SYNPO2: variants seen among roughly 807,000 people sequenced by gnomAD.
SYNPO2 encodes the protein synaptopodin 2.
Under a neutral mutation model 85.0 loss-of-function variants are expected in SYNPO2, and 56 were observed. The observed-to-expected ratio is 0.66, with a 90% CI of 0.53 to 0.82. The LOEUF (loss-of-function observed/expected upper bound fraction) is 0.82, where lower values mean the gene tolerates loss of function less well. Ranked by LOEUF, SYNPO2 falls within the 40% of genes least tolerant of loss-of-function variation. The probability of loss-of-function intolerance (pLI) is 0.00; values close to 1 mark genes in which losing one functional copy is unlikely to be tolerated. For missense variants in SYNPO2, 1,575 were observed against 1,534.2 expected, an observed-to-expected ratio of 1.03 and a Z score of -0.44; for synonymous variants, 602 against 591.1, an observed-to-expected ratio of 1.02 and a Z score of -0.27.
chr4:118,918,845 C>T (rs1050865946), intron 1 of SYNPO2, among the ~76,000 whole-genome samples: 1 of 152,230 alleles, frequency 6.6e-6, no homozygotes, highest in East Asian at 1.9e-4. Context: ...TAATTTAATT[C>T]TTCATCAAGT....
At chr4:119,038,752 C>G (rs1738615690) in intron 4 of SYNPO2, among the ~76,000 whole-genome samples, 2 of 152,190 alleles carry the variant, frequency 1.3e-5, no homozygotes, top group Non-Finnish European at 2.9e-5. Context: ...GTCACGGTGC[C>G]AATCCCAGTC....
intron 1 of SYNPO2, among the ~76,000 whole-genome samples, chr4:118,963,592 G>A (rs1994629): frequency 0.4 from 61,044 of 151,984 alleles, 12,378 homozygotes; most frequent in South Asian, 0.52. Flanking sequence ...GAGTCTACAG[G>A]TGTGTGCCAC....
At chr4:119,050,759 T>C (rs1739013526) in intron 4 of SYNPO2, among the ~76,000 whole-genome samples, 1 of 152,202 alleles carries the variant, frequency 6.6e-6, no homozygotes, top group African/African-American at 2.4e-5. Flanking sequence ...AAGATTGGCG[T>C]GTGCTCTCGT....
intron 1 of SYNPO2, among the ~76,000 whole-genome samples, chr4:118,931,599 C>T (rs1414574384): frequency 6.6e-6 from 1 of 152,164 alleles, no homozygotes; most frequent in Non-Finnish European, 1.5e-5. Context: ...CTATAAAGAA[C>T]TTATCTCTGC....
At chr4:118,874,103 G>C (rs1328199353) in intron 1 of SYNPO2, among the ~76,000 whole-genome samples, 1 of 152,184 alleles carries the variant, frequency 6.6e-6, no homozygotes, top group East Asian at 1.9e-4. Context: ...GTACCATGCT[G>C]TTTTGGCTAC....
chr4:119,034,181 C>T, intron 4 of SYNPO2: 1 of 985,320 alleles, frequency 1.0e-6, no homozygotes, highest in Non-Finnish European at 1.2e-6. Flanking sequence ...AATAGAACAA[C>T]CAAAAAAGGC....
intron 4 of SYNPO2, 28 bp downstream of exon 4, chr4:119,032,055 T>A (rs769963930): frequency 6.2e-7 from 1 of 1,610,768 alleles, no homozygotes. Flanking sequence ...TGTGGAAGAG[T>A]AATCTTGTAG....
intron 1 of SYNPO2, among the ~76,000 whole-genome samples, chr4:118,861,989 C>T (rs1302152825): frequency 6.6e-6 from 1 of 151,996 alleles, no homozygotes; most frequent in Non-Finnish European, 1.5e-5. Flanking sequence ...AATATCTTTC[C>T]ATTTTTTTGG....
chr4:118,878,876 G>A (rs563388703), intron 1 of SYNPO2, among the ~76,000 whole-genome samples: 1 of 152,334 alleles, frequency 6.6e-6, no homozygotes, highest in Admixed American at 6.5e-5. Context: ...GTCCTTTTCT[G>A]TCTTGTGGAT....
chr4:118,898,244 A>G (rs1732610406), intron 1 of SYNPO2, among the ~76,000 whole-genome samples: 1 of 152,112 alleles, frequency 6.6e-6, no homozygotes, highest in Non-Finnish European at 1.5e-5. Context: ...GGCAGTCTAG[A>G]TACTGATTTT....
chr4:118,882,619 CA>C (rs1732126088), intron 1 of SYNPO2, among the ~76,000 whole-genome samples: 1 of 152,204 alleles, frequency 6.6e-6, no homozygotes, highest in African/African-American at 2.4e-5. Context: ...CACACACACA[CA>C]CCCCACACAC....
At chr4:119,052,323 G>A (rs952693396) in intron 4 of SYNPO2, among the ~76,000 whole-genome samples, 4 of 152,258 alleles carry the variant, frequency 2.6e-5, no homozygotes, top group African/African-American at 7.2e-5. Context: ...CACACTGTAG[G>A]TAGACAGCTT....
intron 1 of SYNPO2, among the ~76,000 whole-genome samples, chr4:118,880,190 A>G (rs1306271923): frequency 1.3e-5 from 2 of 152,218 alleles, no homozygotes; most frequent in Non-Finnish European, 2.9e-5. Flanking sequence ...CTGAAGGACC[A>G]ACAAAACAAT....
intron 1 of SYNPO2, among the ~76,000 whole-genome samples, chr4:118,867,710 T>G (rs1025484476): frequency 6.6e-6 from 1 of 150,908 alleles, no homozygotes; most frequent in African/African-American, 2.4e-5. Context: ...GAAAAAATTA[T>G]ATGCCAGGAG....
rs150153431 is a variant in SYNPO2 at position 119,057,931 on chromosome 4, A to T, written c.3783A>T (p.Thr1261=). ...NPHPRGWRRQ[T] ...ACCCAAGGGGATGGAGACGCCAAAC[A>T]TGAAAGTTAGAAGAACGGATCATGT... Residue 1261 remains threonine (T), a synonymous_variant, in exon 5 of 5, where the codon ACA becomes ACT. Transcript: ENST00000307142. 1 of 1,608,516 alleles carries T rather than the reference A, an allele frequency of 6.2e-7. No individual in the cohort carries two copies. The highest frequency in any genetic ancestry group is 8.5e-7 in the Non-Finnish European group (1 of 1,177,504).
chr4:118,865,473 G>T (rs536647011), intron 1 of SYNPO2, among the ~76,000 whole-genome samples: 29 of 152,326 alleles, frequency 1.9e-4, no homozygotes, highest in Middle Eastern at 3.4e-3. Flanking sequence ...CATATTTAGT[G>T]GGTAGGATGG....
rs956476901 is a variant in SYNPO2, at chr4:119,029,893, A to T, written c.1118A>T (p.Lys373Ile). 1 of 1,605,878 alleles carries T rather than the reference A, an allele frequency of 6.2e-7. No individual in the cohort carries two copies. The highest frequency in any genetic ancestry group is 1.7e-5 in the Admixed American group (1 of 59,544). The stretch of plus-strand genomic sequence containing the variant: ...TCAGAAAAACAAGTGAAGGAAGCAA[A>T]ATCTAAATGCAAAAGCATTGCCCTT... ...SLSEKQVKEA[K>I]SKCKSIALLL... is the part of the protein sequence containing the mutation. Residue 373 changes from lysine to isoleucine, a missense_variant, in exon 4 of 5, where the codon AAA becomes ATA. Physicochemically the swap from Lys to Ile is moderately radical, Grantham distance 102 (BLOSUM62 -3). Transcript: ENST00000307142.
chr4:118,868,167 C>T (rs1036843403), intron 1 of SYNPO2, among the ~76,000 whole-genome samples: 1 of 150,892 alleles, frequency 6.6e-6, no homozygotes, highest in African/African-American at 2.4e-5. Flanking sequence ...AAATTAGATG[C>T]TCTTGTAAAA....
chr4:118,910,507 T>C (rs1033534937), intron 1 of SYNPO2, among the ~76,000 whole-genome samples: 1 of 152,174 alleles, frequency 6.6e-6, no homozygotes, highest in Non-Finnish European at 1.5e-5. Flanking sequence ...TGTGTGTGTG[T>C]TTATGAGAAA....
Sources: allele counts gnomAD v4.1 joint callset (sites outside exome capture counted in the v4.1 genomes callset), GRCh38; gene constraint gnomAD v4.1.1; transcripts MANE v1.5; gene names NCBI Gene and HGNC (gene_info 2026-07-23, HGNC 2026-07-21).